GLIS3: variants seen among roughly 807,000 people sequenced by gnomAD.
The protein encoded by GLIS3 is GLIS family zinc finger 3.
Under a neutral mutation model 78.6 loss-of-function variants are expected in GLIS3, and 53 were observed. That is an observed-to-expected ratio of 0.67 (90% CI 0.54 to 0.85). The LOEUF is 0.85. Ranked by LOEUF, GLIS3 falls within the 40% of genes least tolerant of loss-of-function variation. The pLI, the probability that GLIS3 is intolerant of heterozygous loss-of-function variation, is 0.00. For missense variants in GLIS3, 1,703 were observed against 1,231.1 expected (o/e 1.38, Z -5.74); for synonymous variants, 684 against 509.9 (o/e 1.34, Z -4.60).
At chr9:4,084,301 C>G (rs557505304) in intron 4 of GLIS3, among the ~76,000 whole-genome samples, 10 of 124,828 alleles carry the variant, frequency 8.0e-5, no homozygotes, top group Non-Finnish European at 1.4e-4. Flanking sequence ...ACACAAATTC[C>G]TAGCCTCCCC....
rs551557147 is a variant in GLIS3 at position 3,903,792 on chromosome 9, T to C, written c.1984-4957A>G. On this transcript the variant is annotated intron_variant, in intron 6 of 10. Coordinates refer to ENST00000381971, the MANE Select transcript of GLIS3 (RefSeq NM_001042413.2). ...AAAAAGAAGATAAAGGTAGATGAGA[T>C]TGGGAGTGATAGGGGGAATTTTGAC... Among the ~76,000 whole-genome samples the C allele has an allele frequency of 5.3e-5, 8 of 152,034 alleles. No individual in the cohort carries two copies. In the South Asian group the frequency reaches 6.2e-4, roughly 12 times the overall value.
the GLIS3 span, among the ~76,000 whole-genome samples, chr9:4,383,214 A>G: frequency 6.6e-6 from 1 of 152,224 alleles, no homozygotes; most frequent in Non-Finnish European, 1.5e-5. Context: ...TGGCATTAAC[A>G]TTCTGTAGAA....
chr9:4,377,220 G>C, the GLIS3 span, among the ~76,000 whole-genome samples: 2 of 135,142 alleles, frequency 1.5e-5, 1 homozygote, highest in Non-Finnish European at 3.3e-5. Context: ...TCCTCGATGT[G>C]GGTGGCCACC....
chr9:4,177,725 G>T (rs1214071145), intron 2 of GLIS3, among the ~76,000 whole-genome samples: 1 of 152,214 alleles, frequency 6.6e-6, no homozygotes, highest in Non-Finnish European at 1.5e-5. Flanking sequence ...AAGAGACATA[G>T]TAAGAAATCT....
chr9:4,225,801 C>T (rs757537719), intron 2 of GLIS3, among the ~76,000 whole-genome samples: 3 of 152,122 alleles, frequency 2.0e-5, no homozygotes, highest in Non-Finnish European at 4.4e-5. Flanking sequence ...GTCTATTCAT[C>T]CTACGAGTCA....
chr9:3,897,501 T>C (rs1325446155), intron 7 of GLIS3, among the ~76,000 whole-genome samples: 2 of 152,192 alleles, frequency 1.3e-5, no homozygotes, highest in African/African-American at 2.4e-5. Context: ...ATTGATATAT[T>C]TGATGTCTGT....
chr9:4,132,355 G>A (rs1328610473), intron 2 of GLIS3, among the ~76,000 whole-genome samples: 1 of 152,100 alleles, frequency 6.6e-6, no homozygotes, highest in Non-Finnish European at 1.5e-5. Context: ...CCTTAGCAGG[G>A]CATGTTTTTA....
In GLIS3 at chr9:4,197,864, A is replaced by G. The variant is rs541970456; in HGVS notation, c.389-71923T>C. On this transcript the variant is annotated intron_variant, in intron 2 of 10. Coordinates refer to ENST00000381971, the MANE Select transcript of GLIS3 (RefSeq NM_001042413.2). ...CAACCAAAGTGCACAGGGCTGTAGAAGTAAAGCCAAAAGACCATACCCAGC... is the reference window on the plus strand; with the variant it reads ...CAACCAAAGTGCACAGGGCTGTAGAGGTAAAGCCAAAAGACCATACCCAGC... Among the ~76,000 whole-genome samples, 6 of 152,326 alleles carry G rather than the reference A, an allele frequency of 3.9e-5. No homozygotes were observed. In the East Asian group the frequency reaches 7.7e-4, roughly 20 times the overall value.
intron 9 of GLIS3, among the ~76,000 whole-genome samples, chr9:3,855,214 A>G (rs1819689217): frequency 6.6e-6 from 1 of 152,226 alleles, no homozygotes; most frequent in Non-Finnish European, 1.5e-5. Context: ...AAATAAAGAA[A>G]AGAAACTAAG....
At chr9:4,473,903 C>G in the GLIS3 span, among the ~76,000 whole-genome samples, 2 of 151,734 alleles carry the variant, frequency 1.3e-5, no homozygotes, top group Non-Finnish European at 2.9e-5. Context: ...TAGAAAACTG[C>G]AAAATATTAT....
At chr9:4,465,100 A>G in the GLIS3 span, among the ~76,000 whole-genome samples, 1 of 152,148 alleles carries the variant, frequency 6.6e-6, no homozygotes, top group East Asian at 1.9e-4. Context: ...CAGAATCAAC[A>G]TTTCCCTCTC....
intron 2 of GLIS3, among the ~76,000 whole-genome samples, chr9:4,265,796 C>T (rs903046518): frequency 1.3e-5 from 2 of 152,178 alleles, no homozygotes; most frequent in African/African-American, 4.8e-5. Flanking sequence ...GAGTTTTCCC[C>T]TCTAAAGATG....
intron 6 of GLIS3, among the ~76,000 whole-genome samples, chr9:3,907,178 T>C (rs1236982448): frequency 6.6e-6 from 1 of 152,210 alleles, no homozygotes; most frequent in Non-Finnish European, 1.5e-5. Flanking sequence ...GCTTTGTTTC[T>C]TGTTATAAAT....
chr9:4,042,247 A>G (rs912783285), intron 4 of GLIS3, among the ~76,000 whole-genome samples: 1 of 152,162 alleles, frequency 6.6e-6, no homozygotes, highest in African/African-American at 2.4e-5. Flanking sequence ...TCCCATGGCC[A>G]GCCTTGATTC....
the GLIS3 span, among the ~76,000 whole-genome samples, chr9:4,419,055 C>T: frequency 6.6e-6 from 1 of 152,138 alleles, no homozygotes; most frequent in Non-Finnish European, 1.5e-5. Flanking sequence ...GATTAAAATC[C>T]AATAAATTAC....
chr9:4,270,523 T>C (rs537712500), intron 2 of GLIS3, among the ~76,000 whole-genome samples: 1 of 152,318 alleles, frequency 6.6e-6, no homozygotes, highest in South Asian at 2.1e-4. Context: ...ACAGGGTTGT[T>C]GACAGAATGC....
At chr9:4,338,571 C>T (rs1817789037) in intron 2 of GLIS3, among the ~76,000 whole-genome samples, 1 of 151,956 alleles carries the variant, frequency 6.6e-6, no homozygotes, top group South Asian at 2.1e-4. Flanking sequence ...GATGTGGCTA[C>T]CACTGAATTT....
intron 2 of GLIS3, among the ~76,000 whole-genome samples, chr9:4,219,145 T>C (rs1001150463): frequency 1.3e-5 from 2 of 152,210 alleles, no homozygotes; most frequent in Admixed American, 1.3e-4. Flanking sequence ...CCAAATGCTT[T>C]GAGCTTCTGA....
intron 2 of GLIS3, among the ~76,000 whole-genome samples, chr9:4,330,008 C>A (rs951038560): frequency 1.3e-5 from 2 of 152,124 alleles, no homozygotes; most frequent in African/African-American, 4.8e-5. Context: ...TTGAACAGAG[C>A]CCTTGCCAAG....
Sources: gnomAD v4.1 joint callset for allele counts (sites outside exome capture counted in the v4.1 genomes callset) on GRCh38, gnomAD v4.1.1 for gene constraint, MANE v1.5 for transcripts, NCBI Gene and HGNC (gene_info 2026-07-23, HGNC 2026-07-21) for gene names.